Variants in ARHGAP15 observed in about 807,000 individuals in gnomAD.
ARHGAP15 encodes Rho GTPase activating protein 15.
A neutral mutation model predicts 63.7 loss-of-function variants in ARHGAP15; 51 were observed. The ratio of observed to expected loss-of-function variants is 0.80; its 90% CI spans 0.64 to 1.01. The LOEUF (loss-of-function observed/expected upper bound fraction) is 1.01. ARHGAP15 is among the 50% of genes least tolerant of loss of function. ARHGAP15 has a pLI of 0.00. For missense variants in ARHGAP15, 560 were observed against 564.6 expected (o/e 0.99, Z 0.08); for synonymous variants, 191 against 193.8 (o/e 0.99, Z 0.12).
intron 6 of ARHGAP15, among the ~76,000 whole-genome samples, chr2:143,338,788 G>A (rs1383282314): frequency 6.6e-6 from 1 of 152,100 alleles, no homozygotes; most frequent in Non-Finnish European, 1.5e-5. Flanking sequence ...CCTGGAGTCA[G>A]ACTGCCTGGT....
At chr2:143,630,192 A>G (rs1451638634) in intron 12 of ARHGAP15, among the ~76,000 whole-genome samples, 3 of 152,100 alleles carry the variant, frequency 2.0e-5, no homozygotes, top group African/African-American at 4.8e-5. Context: ...GTGAGATTTC[A>G]ATGTTTAGTA....
intron 13 of ARHGAP15, among the ~76,000 whole-genome samples, chr2:143,763,175 A>C (rs1686821689): frequency 6.6e-6 from 1 of 152,126 alleles, no homozygotes; most frequent in Non-Finnish European, 1.5e-5. Flanking sequence ...AAAAATAGGT[A>C]ATAATTAGAT....
At chr2:143,393,910 T>C (rs952515874) in intron 6 of ARHGAP15, among the ~76,000 whole-genome samples, 2 of 152,090 alleles carry the variant, frequency 1.3e-5, no homozygotes, top group African/African-American at 4.8e-5. Flanking sequence ...CGGCAAGCAA[T>C]ACTTCTCAGT....
At chr2:143,483,580 G>A (rs1014741543) in intron 8 of ARHGAP15, among the ~76,000 whole-genome samples, 2 of 152,178 alleles carry the variant, frequency 1.3e-5, no homozygotes, top group African/African-American at 4.8e-5. Context: ...AGGATGTTAA[G>A]TGTTTCTTCA....
chr2:143,599,673 CTT>C (rs1301560396), intron 11 of ARHGAP15, among the ~76,000 whole-genome samples: 1 of 152,146 alleles, frequency 6.6e-6, no homozygotes, highest in Non-Finnish European at 1.5e-5. Context: ...CCAGAAAACA[CTT>C]TTGATCCAAA....
At chr2:143,628,604 C>T (rs1209430918) in intron 12 of ARHGAP15, among the ~76,000 whole-genome samples, 1 of 152,092 alleles carries the variant, frequency 6.6e-6, no homozygotes, top group African/African-American at 2.4e-5. Context: ...CAGACAGGGC[C>T]CATCTGGTTT....
chr2:143,471,371 A>T (rs1691568289), intron 8 of ARHGAP15, among the ~76,000 whole-genome samples: 1 of 151,882 alleles, frequency 6.6e-6, no homozygotes, highest in Non-Finnish European at 1.5e-5. Context: ...TAGAACTGAG[A>T]CTAGAGTCTC....
At chr2:143,540,247 G>A (rs6751327) in intron 10 of ARHGAP15, among the ~76,000 whole-genome samples, 146,624 of 152,198 alleles carry the variant, frequency 0.96, 70,853 homozygotes, top group East Asian at 1. Flanking sequence ...ATCTTCCTCC[G>A]TCCCTTTATT....
chr2:143,162,637 G>T (rs865839613), intron 2 of ARHGAP15, among the ~76,000 whole-genome samples: 1 of 151,926 alleles, frequency 6.6e-6, no homozygotes, highest in South Asian at 2.1e-4. Flanking sequence ...AATTAAAAAA[G>T]GTTACCTAAT....
chr2:143,562,659 A>G (rs751063681), intron 11 of ARHGAP15, among the ~76,000 whole-genome samples: 5 of 152,224 alleles, frequency 3.3e-5, no homozygotes, highest in Admixed American at 6.5e-5. Flanking sequence ...TGATCATAAA[A>G]GAGCCAGACT....
At chr2:143,439,705 A>G (rs1169903732) in intron 8 of ARHGAP15, among the ~76,000 whole-genome samples, 2 of 152,064 alleles carry the variant, frequency 1.3e-5, no homozygotes, top group African/African-American at 4.8e-5. Flanking sequence ...TAATTTGTAC[A>G]AAGACAAGTT....
At chr2:143,748,546 A>G (rs551265299) in intron 13 of ARHGAP15, among the ~76,000 whole-genome samples, 4 of 152,334 alleles carry the variant, frequency 2.6e-5, no homozygotes, top group South Asian at 2.1e-4. Flanking sequence ...AATAATCACA[A>G]TATCTTTCAG....
intron 13 of ARHGAP15, among the ~76,000 whole-genome samples, chr2:143,724,050 C>CGTGTGTGT (rs201124472): frequency 1.1e-5 from 1 of 87,988 alleles, no homozygotes; most frequent in East Asian, 3.8e-4. Context: ...TATCCACCTT[C>CGTGTGTGT]ATGTGTGTGT....
At position 143,263,907 on chromosome 2, in the gene ARHGAP15, C is replaced by CTTTTTTTTT. The variant is rs373296096; in HGVS notation, c.474+13335_474+13343dup. ...GGTGGGTCTACGGTGAAGCTGCAGT[C>CTTTTTTTTT]TTTTTTTTTTTTTTTTTTTTTTTTT... On this transcript the variant is annotated intron_variant, in intron 6 of 13. Transcript: ENST00000295095. Among the ~76,000 whole-genome samples, 43 of 38,436 alleles carry CTTTTTTTTT rather than the reference C, an allele frequency of 1.1e-3. 10 individuals carry two copies. The highest frequency in any genetic ancestry group is 2.5e-3 in the African/African-American group (40 of 15,992). 25.2% of individuals were successfully genotyped at this position (38,436 alleles called of 152,430 possible). A position where few individuals can be genotyped will look rare whatever the true frequency, so the allele number is the denominator to read the frequency against.
intron 8 of ARHGAP15, among the ~76,000 whole-genome samples, chr2:143,442,941 A>G (rs1689956939): frequency 6.6e-6 from 1 of 152,198 alleles, no homozygotes; most frequent in Non-Finnish European, 1.5e-5. Context: ...ACCTCTTTAC[A>G]TGAAACATTG....
chr2:143,207,918 C>G (rs1692404466), intron 3 of ARHGAP15, among the ~76,000 whole-genome samples: 1 of 152,058 alleles, frequency 6.6e-6, no homozygotes, highest in African/African-American at 2.4e-5. Context: ...TTTACCAGGA[C>G]TCACATACTC....
chr2:143,283,119 T>C (rs1434223204), intron 6 of ARHGAP15, among the ~76,000 whole-genome samples: 1 of 152,192 alleles, frequency 6.6e-6, no homozygotes, highest in African/African-American at 2.4e-5. Context: ...CTAACATTTT[T>C]CAAGGCAAAA....
At chr2:143,167,809 C>G (rs1690606866) in intron 2 of ARHGAP15, among the ~76,000 whole-genome samples, 1 of 152,066 alleles carries the variant, frequency 6.6e-6, no homozygotes, top group South Asian at 2.1e-4. Flanking sequence ...ACCAGAGGTA[C>G]TTTTTATTTG....
At chr2:143,345,163 C>T (rs1685215300) in intron 6 of ARHGAP15, among the ~76,000 whole-genome samples, 1 of 151,992 alleles carries the variant, frequency 6.6e-6, no homozygotes, top group Non-Finnish European at 1.5e-5. Context: ...ATTTCATTTC[C>T]TAGTAATGTG....
Sources: gnomAD v4.1 joint callset for allele counts (sites outside exome capture counted in the v4.1 genomes callset) on GRCh38, gnomAD v4.1.1 for gene constraint, MANE v1.5 for transcripts, NCBI Gene and HGNC (gene_info 2026-07-23, HGNC 2026-07-21) for gene names.